TCF12: variants seen among roughly 807,000 people sequenced by gnomAD.
The protein encoded by TCF12 is transcription factor 12.
In TCF12, 45 loss-of-function variants were observed where a neutral mutation model predicts 86.0. The observed-to-expected ratio is 0.52, with a 90% CI of 0.41 to 0.67. The LOEUF is 0.67. Among genes scored for constraint, TCF12 ranks in the 30% least tolerant of loss-of-function variants. The pLI is 0.00. For missense variants in TCF12, 881 were observed against 859.9 expected (o/e 1.02, Z -0.31); for synonymous variants, 330 against 299.6 (o/e 1.10, Z -1.05).
intron 5 of TCF12, among the ~76,000 whole-genome samples, chr15:57,135,016 G>C (rs1394992616): frequency 5.3e-5 from 8 of 151,904 alleles, no homozygotes; most frequent in Non-Finnish European, 1.0e-4. Context: ...CAGTTTTTTG[G>C]ATGACTGCAA....
intron 18 of TCF12, 133 bp downstream of exon 18, chr15:57,263,407 T>C: frequency 1.2e-6 from 1 of 850,098 alleles, no homozygotes; most frequent in Non-Finnish European, 1.8e-6. Context: ...GTGTATGTTG[T>C]CTCATTTAAT....
chr15:57,116,217 C>T (rs1173529159), intron 5 of TCF12, among the ~76,000 whole-genome samples: 1 of 152,068 alleles, frequency 6.6e-6, no homozygotes, highest in Non-Finnish European at 1.5e-5. Context: ...GTGTACTGAC[C>T]CTGGGTCCTA....
At chr15:57,073,844 G>T (rs1234779358) in intron 4 of TCF12, among the ~76,000 whole-genome samples, 1 of 152,098 alleles carries the variant, frequency 6.6e-6, no homozygotes, top group Non-Finnish European at 1.5e-5. Context: ...TGCCTCCTGG[G>T]TTCATGCCAT....
At chr15:57,272,913 G>T (rs1305152281) in intron 18 of TCF12, 117 bp from the exon 19 acceptor site, 1 of 977,270 alleles carries the variant, frequency 1.0e-6, no homozygotes, top group Non-Finnish European at 1.5e-6. Flanking sequence ...TATTACAACT[G>T]TTTACAAGAT....
intron 3 of TCF12, among the ~76,000 whole-genome samples, chr15:57,011,296 T>G (rs1159663079): frequency 6.6e-6 from 1 of 151,974 alleles, no homozygotes; most frequent in Non-Finnish European, 1.5e-5. Flanking sequence ...AAGGTCTCAT[T>G]CAGTTAGTTC....
chr15:57,201,665 A>G (rs1349707932), intron 8 of TCF12, among the ~76,000 whole-genome samples: 3 of 152,158 alleles, frequency 2.0e-5, no homozygotes, highest in African/African-American at 4.8e-5. Context: ...AAACAACTCA[A>G]CTGTTCTGGC....
At chr15:56,921,199 A>G (rs1329509363) in intron 3 of TCF12, 101 bp downstream of exon 3, 5 of 726,870 alleles carry the variant, frequency 6.9e-6, no homozygotes, top group Non-Finnish European at 9.8e-6. Flanking sequence ...GAATATATGT[A>G]TATAAAAGAT....
chr15:57,044,257 G>GT (rs1294076607), intron 3 of TCF12, among the ~76,000 whole-genome samples: 1 of 152,042 alleles, frequency 6.6e-6, no homozygotes, highest in African/African-American at 2.4e-5. Flanking sequence ...AGTTTTAAAT[G>GT]TTTCACTGTT....
intron 3 of TCF12, among the ~76,000 whole-genome samples, chr15:57,038,826 T>C (rs1253385643): frequency 6.6e-6 from 1 of 152,208 alleles, no homozygotes; most frequent in Non-Finnish European, 1.5e-5. Context: ...ATTGTAGACA[T>C]AGAGGTAAAC....
chr15:57,104,234 GA>G (rs1359064767), intron 5 of TCF12, among the ~76,000 whole-genome samples: 4 of 151,746 alleles, frequency 2.6e-5, no homozygotes, highest in Non-Finnish European at 2.9e-5. Context: ...TATTTATACA[GA>G]AAAAAATACT....
intron 4 of TCF12, among the ~76,000 whole-genome samples, chr15:57,089,754 GTAT>G (rs767725729): frequency 1.2e-4 from 19 of 152,128 alleles, no homozygotes; most frequent in East Asian, 7.7e-4. Context: ...TTCTACAGTA[GTAT>G]TGCTGTAGGA....
intron 3 of TCF12, among the ~76,000 whole-genome samples, chr15:56,951,228 A>G (rs1172407713): frequency 6.6e-6 from 1 of 152,074 alleles, no homozygotes; most frequent in Non-Finnish European, 1.5e-5. Flanking sequence ...TATTCATTTT[A>G]ATTTTAGCCA....
chr15:57,119,156 G>A (rs7169508), intron 5 of TCF12, among the ~76,000 whole-genome samples: 35,693 of 151,804 alleles, frequency 0.24, 4,818 homozygotes, highest in East Asian at 0.42. Flanking sequence ...GCAGTGGCAC[G>A]ATCTCAGCTC....
rs2058790739 is a variant in TCF12, at chr15:57,224,818, C to T, written c.580-6334C>T. Among the ~76,000 whole-genome samples the T allele has an allele frequency of 3.9e-5, 6 of 152,192 alleles. No homozygotes were observed. In the South Asian group the frequency reaches 1.2e-3, roughly 32 times the overall value. ...TTCCGTGGAGATGGCTTGTATGTGC[C>T]TGAGTCAGTCTTTGTACTTCAGACG... On this transcript the variant is annotated intron_variant, in intron 8 of 20. Transcript: ENST00000333725.
chr15:56,973,238 A>C (rs1567187903), intron 3 of TCF12, among the ~76,000 whole-genome samples: 1 of 152,140 alleles, frequency 6.6e-6, no homozygotes, highest in Non-Finnish European at 1.5e-5. Flanking sequence ...GTGTGTACAT[A>C]TATGAATGTG....
intron 12 of TCF12, among the ~76,000 whole-genome samples, chr15:57,240,757 G>T (rs940302347): frequency 6.6e-6 from 1 of 151,598 alleles, no homozygotes; most frequent in Non-Finnish European, 1.5e-5. Flanking sequence ...GTGAGGGCTT[G>T]TAGTCCCAGC....
intron 6 of TCF12, among the ~76,000 whole-genome samples, chr15:57,185,189 A>G (rs1162115171): frequency 3.9e-5 from 6 of 152,232 alleles, no homozygotes; most frequent in Admixed American, 3.9e-4. Flanking sequence ...AAAAGTGTAC[A>G]TTTTGAGGAG....
At chr15:57,170,705 A>ATATAATATATT (rs1491151079) in intron 6 of TCF12, among the ~76,000 whole-genome samples, 15 of 36,758 alleles carry the variant, frequency 4.1e-4, no homozygotes, top group South Asian at 2.7e-3. Context: ...TATTATATAT[A>ATATAATATATT]ATATATAATA....
chr15:57,056,116 G>GGGGTGTGT (rs367596955), intron 3 of TCF12, among the ~76,000 whole-genome samples: 304 of 143,330 alleles, frequency 2.1e-3, no homozygotes, highest in Non-Finnish European at 2.8e-3. Context: ...TAGTTTTAGG[G>GGGGTGTGT]GTGTGTGTGT....
Sources: gnomAD v4.1 joint callset for allele counts (sites outside exome capture counted in the v4.1 genomes callset) on GRCh38, gnomAD v4.1.1 for gene constraint, MANE v1.5 for transcripts, NCBI Gene and HGNC (gene_info 2026-07-23, HGNC 2026-07-21) for gene names.